PPFIBP2: variants seen among roughly 807,000 people sequenced by gnomAD.
PPFIBP2 encodes the protein PPFIB scaffold protein 2.
PPFIBP2 carries 118 observed loss-of-function variants against 118.3 expected under a neutral mutation model. The observed-to-expected ratio is 1.00, with a 90% CI of 0.86 to 1.16. The LOEUF (loss-of-function observed/expected upper bound fraction) is 1.16. Ranked by LOEUF, PPFIBP2 falls within the 50% of genes most tolerant of loss-of-function variation. The pLI, the probability that PPFIBP2 is intolerant of heterozygous loss-of-function variation, is 0.00. For synonymous variants in PPFIBP2, 414 were observed against 397.4 expected, an observed-to-expected ratio of 1.04 and a Z score of -0.50; for missense variants, 1,195 against 1,073.1, an observed-to-expected ratio of 1.11 and a Z score of -1.59.
chr11:7,593,029 G>C, intron 3 of PPFIBP2, 103 bp from the exon 4 acceptor site: 1 of 1,480,570 alleles, frequency 6.8e-7, no homozygotes, highest in South Asian at 1.4e-5. Context: ...TATAATCAGT[G>C]AAACTATCCT....
At chr11:7,666,504 C>T in the PPFIBP2 span, 94 of 1,613,496 alleles carry the variant, frequency 5.8e-5, no homozygotes, top group Non-Finnish European at 7.6e-5. Context: ...TGGGTGAGTC[C>T]TGGCAATTTC....
At chr11:7,647,559 G>A (rs558330843) in intron 17 of PPFIBP2, among the ~76,000 whole-genome samples, 1 of 152,284 alleles carries the variant, frequency 6.6e-6, no homozygotes, top group South Asian at 2.1e-4. Context: ...AATGTTGGTT[G>A]CTATGAGTGG....
chr11:7,534,271 T>A (rs776328088), intron 1 of PPFIBP2, among the ~76,000 whole-genome samples: 1 of 152,250 alleles, frequency 6.6e-6, no homozygotes, highest in Non-Finnish European at 1.5e-5. Context: ...CCTGTTACTA[T>A]AAAAAGAATT....
rs78947371 is a variant in PPFIBP2 at position 7,578,829 on chromosome 11, A to G, written c.279+13062A>G. On this transcript the variant is annotated intron_variant, in intron 3 of 23. Coordinates refer to ENST00000299492, the MANE Select transcript of PPFIBP2 (RefSeq NM_003621.5). Reference sequence around the variant, plus strand: ...GAAGAACATTCCAGGCAAATGGGGCATAGGGGATGATGTATATACAAAGGT... The same window carrying G: ...GAAGAACATTCCAGGCAAATGGGGCGTAGGGGATGATGTATATACAAAGGT... Among the ~76,000 whole-genome samples, 375 of 152,284 alleles carry G rather than the reference A, an allele frequency of 2.5e-3. 5 individuals carry two copies. The highest frequency in any genetic ancestry group is 8.6e-3 in the African/African-American group (356 of 41,560).
intron 3 of PPFIBP2, among the ~76,000 whole-genome samples, chr11:7,578,011 A>G (rs1421022042): frequency 6.6e-6 from 1 of 152,190 alleles, no homozygotes; most frequent in Non-Finnish European, 1.5e-5. Flanking sequence ...TTTTAAATGC[A>G]TTGGATTCGG....
chr11:7,626,499 T>TC (rs1408550910), intron 8 of PPFIBP2, among the ~76,000 whole-genome samples: 1 of 152,188 alleles, frequency 6.6e-6, no homozygotes, highest in Non-Finnish European at 1.5e-5. Context: ...TTGTGTGTTA[T>TC]CCCCACTCAG....
At chr11:7,567,526 A>G (rs1855140935) in intron 3 of PPFIBP2, among the ~76,000 whole-genome samples, 1 of 152,222 alleles carries the variant, frequency 6.6e-6, no homozygotes, top group Non-Finnish European at 1.5e-5. Context: ...TAACCTATGC[A>G]TGGCGAAGCA....
At chr11:7,545,515 A>T (rs1188284599) in intron 1 of PPFIBP2, among the ~76,000 whole-genome samples, 1 of 152,180 alleles carries the variant, frequency 6.6e-6, no homozygotes, top group Admixed American at 6.5e-5. Flanking sequence ...TGTTATTACT[A>T]ATTATTGTTA....
At chr11:7,643,093 A>G (rs773423893) in intron 17 of PPFIBP2, among the ~76,000 whole-genome samples, 6 of 152,248 alleles carry the variant, frequency 3.9e-5, no homozygotes, top group Admixed American at 6.5e-5. Context: ...TAGAGAATCT[A>G]AGGACATAGT....
At chr11:7,552,249 A>G (rs148790538) in intron 2 of PPFIBP2, among the ~76,000 whole-genome samples, 26 of 152,352 alleles carry the variant, frequency 1.7e-4, no homozygotes, top group African/African-American at 5.8e-4. Context: ...CATCTTAGAG[A>G]GTTGCCTGTG....
intron 3 of PPFIBP2, among the ~76,000 whole-genome samples, chr11:7,578,546 G>C (rs1442982760): frequency 2.0e-5 from 3 of 152,196 alleles, no homozygotes; most frequent in Non-Finnish European, 4.4e-5. Context: ...TACTGAGTTT[G>C]GGTACTGGGT....
In PPFIBP2 at chr11:7,579,691, C is replaced by T. The variant is rs534062097; in HGVS notation, c.280-13441C>T. On this transcript the variant is annotated intron_variant, in intron 3 of 23. Transcript: ENST00000299492. The stretch of plus-strand genomic sequence containing the variant: ...TTGCATGTGATGCAATGTAAGAAGG[C>T]CCTTCTTGTCCCAAGACCCAGGGTA... 3.9e-5 allele frequency among the ~76,000 whole-genome samples: 6 copies of T among 152,268 alleles called. No individual in the cohort carries two copies. In the East Asian group the frequency reaches 1.2e-3, roughly 29 times the overall value.
At chr11:7,654,906 C>G (rs568910679), downstream of PPFIBP2, among the ~76,000 whole-genome samples, 1 of 152,246 alleles carries the variant, frequency 6.6e-6, no homozygotes, top group African/African-American at 2.4e-5. Context: ...GAGGATGTTT[C>G]CAAATCTACA....
At chr11:7,665,563 G>GC in the PPFIBP2 span, 1 of 1,586,360 alleles carries the variant, frequency 6.3e-7, no homozygotes, top group Non-Finnish European at 8.6e-7. Context: ...TGAAGGAGAT[G>GC]CAGGAGCAAG....
chr11:7,621,072 G>C, intron 7 of PPFIBP2, 45 bp downstream of exon 7: 2 of 1,461,332 alleles, frequency 1.4e-6, no homozygotes, highest in African/African-American at 1.4e-5. Flanking sequence ...TGAGGGCCTT[G>C]TGGGGAGGGT....
At chr11:7,651,538 G>C (rs1043274500) in intron 22 of PPFIBP2, 118 bp from the exon 23 acceptor site, 1 of 858,658 alleles carries the variant, frequency 1.2e-6, no homozygotes, top group Non-Finnish European at 1.8e-6. Flanking sequence ...ACAAGTGACT[G>C]AGCTCCTGTC....
Position 7,630,924 on chromosome 11 carries a change from G to C in PPFIBP2, c.965-1G>C. On this transcript the variant is annotated splice_acceptor_variant, in intron 10 of 23. Transcript: ENST00000299492. LOFTEE classifies it high-confidence loss of function. The stretch of plus-strand genomic sequence containing the variant: ...CAGTCTTACTACCTTAATGCTTGCA[G>C]GGCCTTCGGAGAGAACTCTCTCAAT... 1.9e-6 allele frequency: 3 copies of C among 1,612,620 alleles called. No individual in the cohort carries two copies. The highest frequency in any genetic ancestry group is 2.5e-6 in the Non-Finnish European group (3 of 1,178,646).
At chr11:7,524,939 A>G (rs1850092260) in intron 1 of PPFIBP2, among the ~76,000 whole-genome samples, 1 of 152,178 alleles carries the variant, frequency 6.6e-6, no homozygotes, top group Non-Finnish European at 1.5e-5. Context: ...CAGCCAAGAC[A>G]TCTGGTTCTT....
intron 3 of PPFIBP2, among the ~76,000 whole-genome samples, chr11:7,591,846 G>A (rs1212379988): frequency 6.6e-6 from 1 of 152,232 alleles, no homozygotes; most frequent in Non-Finnish European, 1.5e-5. Context: ...TTCTGTTCTA[G>A]GACTGGGCAT....
Sources: gnomAD v4.1 joint callset for allele counts (sites outside exome capture counted in the v4.1 genomes callset) on GRCh38, gnomAD v4.1.1 for gene constraint, MANE v1.5 for transcripts, NCBI Gene and HGNC (gene_info 2026-07-23, HGNC 2026-07-21) for gene names.